The following MAPK8IP2 variants were observed in gnomAD, a reference collection of about 807,000 sequenced individuals.
The protein encoded by MAPK8IP2 is C-Jun-amino-terminal kinase-interacting protein 2.
Under a neutral mutation model 75.6 loss-of-function variants are expected in MAPK8IP2, and 15 were observed. The ratio of observed to expected loss-of-function variants is 0.20; its 90% confidence interval spans 0.13 to 0.31. The LOEUF is 0.31. Among genes scored for constraint, MAPK8IP2 ranks in the 10% least tolerant of loss-of-function variants. The pLI, the probability that MAPK8IP2 is intolerant of heterozygous loss-of-function variation, is 1.00. For missense variants in MAPK8IP2, 1,089 were observed against 1,211.2 expected, an observed-to-expected ratio of 0.90 and a Z score of 1.50; for synonymous variants, 632 against 554.5, an observed-to-expected ratio of 1.14 and a Z score of -1.96.
In MAPK8IP2 at chr22:50,613,609, CTCCCTGTTGAACCAGGAAGCAGG is replaced by C. The variant is rs1388177106; in HGVS notation, c.*2844_*2866del. 3 of 152,348 alleles carry C rather than the reference CTCCCTGTTGAACCAGGAAGCAGG, an allele frequency of 2.0e-5. No individual in the cohort carries two copies. The highest frequency in any genetic ancestry group is 7.2e-5 in the African/African-American group (3 of 41,444). The allele number at this position is 152,348 out of a possible 1,614,324, so 9.4% of individuals were successfully genotyped here. ...TCAGCAGATCCCTCTCTCTGGCCAG[CTCCCTGTTGAACCAGGAAGCAGG>C]TCCCTGTTGAACCTCAGCATGACCC... is the stretch of plus-strand genomic sequence containing the variant. On this transcript the variant is annotated 3_prime_UTR_variant, in exon 12 of 12. Transcript: ENST00000329492.
Position 50,607,104 on chromosome 22 carries a change from C to A in MAPK8IP2, c.2303+113C>A. The A allele has an allele frequency of 1.2e-6, 1 of 807,766 alleles. No homozygotes were observed. The highest frequency in any genetic ancestry group is 2.1e-6 in the Non-Finnish European group (1 of 473,546). The allele number at this position is 807,766 out of a possible 1,614,324, so 50.0% of individuals were successfully genotyped here. ...GGCTGCCCGTGCCCAGCCCTGAGAG[C>A]TCCACCTGCACCCACTTAGCTCTGT... On this transcript the variant is annotated intron_variant, in intron 10 of 11. Transcript: ENST00000329492. This position sits in a 1 kb window ranked among gnomAD's most constrained non-coding sequence, Gnocchi z 5.6.
In MAPK8IP2 at chr22:50,604,961, A is replaced by G; in HGVS notation, c.1662A>G (p.Leu554=). The G allele has an allele frequency of 5.6e-6, 9 of 1,611,864 alleles. No individual in the cohort carries two copies. Among genetic ancestry groups the G allele is most frequent in the Non-Finnish European group, 7.6e-6 (9 of 1,179,670 alleles). ...AGGAGGAGGCGGGCGCGGCGCTGCT[A>G]GGCGGCGGTCAGGTCTCGGGGGACA... The part of the protein sequence containing the change: ...ASEEEAGAAL[L]GGGQVSGDTS... Residue 554 remains leucine (L), a synonymous_variant, in exon 5 of 12, where the codon CTA becomes CTG. Coordinates refer to ENST00000329492, the MANE Select transcript of MAPK8IP2 (RefSeq NM_012324.6).
intron 5 of MAPK8IP2, 103 bp from the exon 6 acceptor site, chr22:50,605,265 G>T: frequency 1.7e-6 from 2 of 1,200,432 alleles, no homozygotes; most frequent in South Asian, 1.3e-5. Context: ...CACCTACACC[G>T]GACTGTGGAG....
In MAPK8IP2 at chr22:50,605,632, G is replaced by A. The variant is rs754751767; in HGVS notation, c.1912G>A (p.Asp638Asn). 23 of 1,611,626 alleles carry A rather than the reference G, an allele frequency of 1.4e-5. No individual in the cohort carries two copies. The highest frequency in any genetic ancestry group is 1.8e-5 in the Non-Finnish European group (21 of 1,179,286). Residue 638 changes from aspartate to asparagine, a missense_variant, in exon 7 of 12, where the codon GAC (aspartate) becomes AAC (asparagine). Around this residue, in one of 2 missense-constraint regions of MAPK8IP2, gnomAD observed 960 missense variants for 1,009.6 expected, o/e 0.95. Coordinates refer to ENST00000329492, the MANE Select transcript of MAPK8IP2 (RefSeq NM_012324.6). ...CCCTGTGTTGGTGGAGGCCGAGGAG[G>A]ACGACTTCTGGTTCCGTGGCTTCAA... ...DDPVLVEAEE[D>N]DFWFRGFNMR...
rs946391300 is a variant in MAPK8IP2, at chr22:50,604,620, C to T, written c.1321C>T (p.Pro441Ser). The T allele has an allele frequency of 4.0e-6, 6 of 1,511,090 alleles. No individual in the cohort carries two copies. Among genetic ancestry groups the T allele is most frequent in the Non-Finnish European group, 5.3e-6 (6 of 1,136,530 alleles). 93.6% of individuals were successfully genotyped at this position (1,511,090 alleles called of 1,614,324 possible). A position where few individuals can be genotyped will look rare whatever the true frequency, so the allele number is the denominator to read the frequency against. Residue 441 changes from proline (P) to serine (S), a missense_variant, in exon 5 of 12, where the codon CCC becomes TCC. Physicochemically the swap from Pro to Ser is moderately conservative, Grantham distance 74. This residue lies in a region of MAPK8IP2 where 960 missense variants were observed against 1,009.6 expected (regional missense o/e 0.95). Coordinates refer to ENST00000329492, the MANE Select transcript of MAPK8IP2 (RefSeq NM_012324.6). ...CGGGCCCTGCCTATTCCTCAGCAAC[C>T]CCACGCGTGACACCATCACGCCGCT... ...QPGPCLFLSN[P>S]TRDTITPLWA... is the part of the protein sequence containing the mutation.
At position 50,604,052 on chromosome 22, in the gene MAPK8IP2, G is replaced by A. The variant is rs376103265; in HGVS notation, c.753G>A (p.Ser251=). The A allele has an allele frequency of 2.8e-4, 425 of 1,543,244 alleles. 6 individuals are homozygous for A. In the South Asian group the frequency reaches 5.0e-3, roughly 18 times the overall value. ...GGRRSSQELS[S]PGSDSEDAGG... ...GTCGCAGCAGCCAGGAGCTGTCCTC[G>A]CCCGGCTCCGACTCGGAGGACGCGG... Residue 251 remains serine, a synonymous_variant, in exon 5 of 12, where the codon TCG becomes TCA. Transcript: ENST00000329492.
At chr22:50,608,116 C>A (rs770751511) in intron 10 of MAPK8IP2, among the ~76,000 whole-genome samples, 24 of 152,204 alleles carry the variant, frequency 1.6e-4, no homozygotes, top group Non-Finnish European at 2.9e-4. Flanking sequence ...GTCAGTGCAT[C>A]TTGGGGGCCT....
chr22:50,604,847 T>C lies in MAPK8IP2; in HGVS notation c.1548T>C (p.Asp516=), dbSNP rs1164293748. ...YDAVKYTLVV[D]EHTQLELVSL... Reference sequence around the variant, plus strand: ...CGGTCAAGTACACGCTGGTGGTGGATGAGCACACGCAGCTGGAGCTGGTGA... The same window carrying C: ...CGGTCAAGTACACGCTGGTGGTGGACGAGCACACGCAGCTGGAGCTGGTGA... The change falls in exon 5 of 12, where the codon GAT becomes GAC. Residue 516 remains aspartate (D), a synonymous_variant. Transcript: ENST00000329492. 1.3e-6 allele frequency: 2 copies of C among 1,589,156 alleles called. No individual in the cohort carries two copies. The highest frequency in any genetic ancestry group is 1.7e-6 in the Non-Finnish European group (2 of 1,169,782).
Position 50,604,008 on chromosome 22 carries a change from AGCGGCG to A in MAPK8IP2, c.712_717del (p.Gly238_Gly239del). On this transcript the variant is annotated inframe_deletion, in exon 5 of 12. Transcript: ENST00000329492. ...CGAGGCTGACCTGAGAAGCCGCTCGAGCGGCGGCCGCGGGGGACGTCGCAGCAGCCA... is the reference window on the plus strand; with the variant it reads ...CGAGGCTGACCTGAGAAGCCGCTCGAGCCGCGGGGGACGTCGCAGCAGCCA... 1 of 1,557,436 alleles carries A rather than the reference AGCGGCG, an allele frequency of 6.4e-7. No homozygotes were observed. The highest frequency in any genetic ancestry group is 8.6e-7 in the Non-Finnish European group (1 of 1,159,482).
At chr22:50,602,741 C>T (rs1569063097) in intron 2 of MAPK8IP2, among the ~76,000 whole-genome samples, 1 of 152,228 alleles carries the variant, frequency 6.6e-6, no homozygotes, top group South Asian at 2.1e-4. Context: ...AGTGCAGAGG[C>T]TGTCTCTCCA....
In MAPK8IP2 at chr22:50,604,256, C is replaced by T. The variant is rs1220400562; in HGVS notation, c.957C>T (p.Phe319=). 1.9e-6 allele frequency: 3 copies of T among 1,567,650 alleles called. No individual in the cohort carries two copies. Among genetic ancestry groups the T allele is most frequent in the African/African-American group, 2.7e-5 (2 of 73,930 alleles). ...PPREPPRRPA[F]LPVGPDDTNS... ...GCGAACCCCCGCGCCGCCCCGCCTT[C>T]CTGCCCGTGGGCCCCGACGACACCA... The change falls in exon 5 of 12, where the codon TTC becomes TTT. Residue 319 remains phenylalanine, a synonymous_variant. Coordinates refer to ENST00000329492, the MANE Select transcript of MAPK8IP2 (RefSeq NM_012324.6).
rs1028560218 is a variant in MAPK8IP2, at chr22:50,607,376, G to T, written c.2303+385G>T. On this transcript the variant is annotated intron_variant, in intron 10 of 11. Transcript: ENST00000329492. This position sits in a 1 kb window ranked among gnomAD's most constrained non-coding sequence, Gnocchi z 5.6. The stretch of plus-strand genomic sequence containing the variant: ...TGAGCCAAGGGTGTGGGATGCACTG[G>T]TCGGGGGCTATATAGGCTCTGGGGC... Among the ~76,000 whole-genome samples, 1 of 152,292 alleles carries T rather than the reference G, an allele frequency of 6.6e-6. No individual in the cohort carries two copies. Among genetic ancestry groups the T allele is most frequent in the East Asian group, 1.9e-4 (1 of 5,184 alleles).
In MAPK8IP2 at chr22:50,603,943, C is replaced by T; in HGVS notation, c.644C>T (p.Pro215Leu). 1.3e-6 allele frequency: 2 copies of T among 1,544,106 alleles called. No individual in the cohort carries two copies. The highest frequency in any genetic ancestry group is 1.7e-6 in the Non-Finnish European group (2 of 1,149,536). ...DCEGNRPAEP[P>L]APGGTSPSSD... ...GAAGGGAACCGGCCTGCGGAACCCC[C>T]TGCGCCAGGGGGGACTTCGCCCTCC... The change falls in exon 5 of 12, where the codon CCT (proline) becomes CTT (leucine). Residue 215 changes from proline to leucine, a missense_variant. Coordinates refer to ENST00000329492, the MANE Select transcript of MAPK8IP2 (RefSeq NM_012324.6).
intron 10 of MAPK8IP2, among the ~76,000 whole-genome samples, chr22:50,608,272 G>C (rs1324724102): frequency 6.6e-6 from 1 of 151,702 alleles, no homozygotes. Flanking sequence ...TGGGACAGCG[G>C]GCAGCGATGC....
intron 10 of MAPK8IP2, among the ~76,000 whole-genome samples, chr22:50,609,136 G>A (rs1268285250): frequency 3.3e-5 from 5 of 152,322 alleles, no homozygotes; most frequent in East Asian, 1.9e-4. Flanking sequence ...GGACGAAACC[G>A]TGTGAGGTGA....
chr22:50,604,180 C>T lies in MAPK8IP2; in HGVS notation c.881C>T (p.Thr294Ile). 1.3e-6 allele frequency: 2 copies of T among 1,548,340 alleles called. No homozygotes were observed. Among genetic ancestry groups the T allele is most frequent in the Non-Finnish European group, 1.7e-6 (2 of 1,155,178 alleles). The change falls in exon 5 of 12, where the codon ACC (threonine) becomes ATC (isoleucine). Residue 294 changes from threonine (T) to isoleucine (I), a missense_variant. This residue lies in a region of MAPK8IP2 where 960 missense variants were observed against 1,009.6 expected (regional missense o/e 0.95). Transcript: ENST00000329492. ...AGCAGCGGCCGCTCCTCGCACCTCA[C>T]CAACTCCATCGAGGAGGCCTCGTCG... is the stretch of plus-strand genomic sequence containing the variant. ...SSSSGRSSHL[T>I]NSIEEASSPA...
rs1016299643 is a variant in MAPK8IP2 at position 50,607,672 on chromosome 22, C to T, written c.2303+681C>T. On this transcript the variant is annotated intron_variant, in intron 10 of 11. Coordinates refer to ENST00000329492, the MANE Select transcript of MAPK8IP2 (RefSeq NM_012324.6). The surrounding 1 kb of genome is among the most constrained non-coding windows in gnomAD (Gnocchi z 5.6). ...GACCTGGAAGAGACCAGGGTGACGT[C>T]TCCCTGGGGGATGGTTGTACTGCAG... Among the ~76,000 whole-genome samples the T allele has an allele frequency of 6.6e-6, 1 of 151,876 alleles. No individual in the cohort carries two copies. The highest frequency in any genetic ancestry group is 1.5e-5 in the Non-Finnish European group (1 of 67,956).
At position 50,603,713 on chromosome 22, in the gene MAPK8IP2, C is replaced by G; in HGVS notation, c.535C>G (p.Leu179Val). The G allele has an allele frequency of 1.9e-6, 3 of 1,569,162 alleles. No homozygotes were observed. The highest frequency in any genetic ancestry group is 2.6e-6 in the Non-Finnish European group (3 of 1,157,282). ...GCTATGCTCACCCGCCCCGGAGGCC[C>G]TCAGAGGTGAGGGGTGGTGGGCCCG... ...TALCSPAPEA[L>V]RELPGPLPAT... The change falls in exon 4 of 12, where the codon CTC (leucine) becomes GTC (valine). Residue 179 changes from leucine (L) to valine (V), a missense_variant. Transcript: ENST00000329492.
chr22:50,604,958 G>T lies in MAPK8IP2; in HGVS notation c.1659G>T (p.Leu553=), dbSNP rs745949623. 37 of 1,611,976 alleles carry T rather than the reference G, an allele frequency of 2.3e-5. No individual in the cohort carries two copies. The highest frequency in any genetic ancestry group is 3.0e-5 in the Non-Finnish European group (35 of 1,179,706). Residue 553 remains leucine (L), a synonymous_variant, in exon 5 of 12, where the codon CTG becomes CTT. Coordinates refer to ENST00000329492, the MANE Select transcript of MAPK8IP2 (RefSeq NM_012324.6). Reference sequence around the variant, plus strand: ...GCGAGGAGGAGGCGGGCGCGGCGCTGCTAGGCGGCGGTCAGGTCTCGGGGG... The same window carrying T: ...GCGAGGAGGAGGCGGGCGCGGCGCTTCTAGGCGGCGGTCAGGTCTCGGGGG... ...EASEEEAGAA[L]LGGGQVSGDT...
Sources: allele counts gnomAD v4.1 joint callset (sites outside exome capture counted in the v4.1 genomes callset), GRCh38; gene constraint gnomAD v4.1.1; regional missense constraint gnomAD v4.1.1; non-coding constraint Gnocchi (gnomAD v3.1); transcripts MANE v1.5; gene names NCBI Gene and HGNC (gene_info 2026-07-23, HGNC 2026-07-21).